Variants in ST6GALNAC5 observed in about 807,000 individuals in gnomAD.
ST6GALNAC5 encodes alpha-N-acetylgalactosaminide alpha-2,6-sialyltransferase 5.
In ST6GALNAC5, 27 loss-of-function variants were observed where a neutral mutation model predicts 33.6. The ratio of observed to expected loss-of-function variants is 0.80; its 90% confidence interval spans 0.59 to 1.11. The LOEUF is 1.11. Among genes scored for constraint, ST6GALNAC5 ranks in the 50% least tolerant of loss-of-function variants. The pLI is 0.00. For synonymous variants in ST6GALNAC5, 194 were observed against 171.2 expected (o/e 1.13, Z -1.04); for missense variants, 428 against 454.0 (o/e 0.94, Z 0.52).
intron 2 of ST6GALNAC5, among the ~76,000 whole-genome samples, chr1:76,953,304 A>C (rs1189639050): frequency 6.6e-6 from 1 of 152,162 alleles, no homozygotes; most frequent in East Asian, 1.9e-4. Context: ...ATCATGTATG[A>C]GAGATCAAGC....
intron 2 of ST6GALNAC5, among the ~76,000 whole-genome samples, chr1:76,966,200 C>T (rs889814545): frequency 2.7e-4 from 41 of 151,982 alleles, no homozygotes; most frequent in Admixed American, 2.4e-3. Flanking sequence ...GGCAATATGG[C>T]CATTTTCACC....
chr1:76,996,188 C>A (rs1161566769), intron 2 of ST6GALNAC5, among the ~76,000 whole-genome samples: 1 of 152,134 alleles, frequency 6.6e-6, no homozygotes, highest in Non-Finnish European at 1.5e-5. Flanking sequence ...GTCTTGAACC[C>A]CTGTCTTCTA....
At chr1:76,892,339 A>T (rs758343646) in intron 2 of ST6GALNAC5, among the ~76,000 whole-genome samples, 3 of 152,224 alleles carry the variant, frequency 2.0e-5, no homozygotes, top group Non-Finnish European at 4.4e-5. Context: ...ACACCTTAAG[A>T]TAGATCTTAA....
chr1:76,920,842 A>C (rs1325923552), intron 2 of ST6GALNAC5, among the ~76,000 whole-genome samples: 1 of 152,194 alleles, frequency 6.6e-6, no homozygotes, highest in African/African-American at 2.4e-5. Flanking sequence ...TAATAGAGTA[A>C]TGCCCAAGCC....
intron 2 of ST6GALNAC5, among the ~76,000 whole-genome samples, chr1:76,934,838 C>G (rs999324124): frequency 6.6e-6 from 1 of 151,974 alleles, no homozygotes; most frequent in African/African-American, 2.4e-5. Context: ...CTTTAGAAAG[C>G]CTCTGTTGGG....
At chr1:77,051,820 C>T (rs1231317150) in intron 4 of ST6GALNAC5, among the ~76,000 whole-genome samples, 2 of 152,068 alleles carry the variant, frequency 1.3e-5, no homozygotes, top group Admixed American at 6.6e-5. Context: ...ATGCAAAGAG[C>T]CATCAACGTT....
At chr1:76,931,317 G>T (rs978998136) in intron 2 of ST6GALNAC5, among the ~76,000 whole-genome samples, 26 of 152,096 alleles carry the variant, frequency 1.7e-4, no homozygotes, top group Non-Finnish European at 3.4e-4. Flanking sequence ...GACCCTATCA[G>T]AGGACTAGGT....
chr1:76,950,177 A>C (rs1275914458), intron 2 of ST6GALNAC5, among the ~76,000 whole-genome samples: 1 of 152,110 alleles, frequency 6.6e-6, no homozygotes, highest in Non-Finnish European at 1.5e-5. Context: ...GGTATGAAGG[A>C]CTGAGATGAG....
chr1:76,945,028 G>C (rs1196627619), intron 2 of ST6GALNAC5, among the ~76,000 whole-genome samples: 2 of 152,096 alleles, frequency 1.3e-5, no homozygotes, highest in Non-Finnish European at 2.9e-5. Flanking sequence ...GGTCTTCTGG[G>C]AAATCAGGAC....
At chr1:77,013,473 C>A (rs1039944926) in intron 2 of ST6GALNAC5, among the ~76,000 whole-genome samples, 7 of 152,186 alleles carry the variant, frequency 4.6e-5, no homozygotes, top group African/African-American at 1.7e-4. Context: ...TTATTATGAG[C>A]TTTCTCACCC....
At chr1:76,985,894 C>T (rs1448476047) in intron 2 of ST6GALNAC5, among the ~76,000 whole-genome samples, 1 of 152,066 alleles carries the variant, frequency 6.6e-6, no homozygotes, top group African/African-American at 2.4e-5. Context: ...CTGACAAAAA[C>T]AAGAAATGGG....
At chr1:77,020,709 T>C (rs891579587) in intron 2 of ST6GALNAC5, among the ~76,000 whole-genome samples, 1 of 152,226 alleles carries the variant, frequency 6.6e-6, no homozygotes, top group African/African-American at 2.4e-5. Flanking sequence ...CCTTATGCCA[T>C]GCCTCTTACT....
chr1:77,013,777 G>T (rs542330490), intron 2 of ST6GALNAC5, among the ~76,000 whole-genome samples: 1 of 152,312 alleles, frequency 6.6e-6, no homozygotes, highest in East Asian at 1.9e-4. Context: ...CCTGGAAGTC[G>T]GATGGCCTTT....
At chr1:76,932,782 G>C (rs769910443) in intron 2 of ST6GALNAC5, among the ~76,000 whole-genome samples, 1 of 152,010 alleles carries the variant, frequency 6.6e-6, no homozygotes, top group African/African-American at 2.4e-5. Context: ...AACTAGGCTT[G>C]TGTTGTATTT....
intron 2 of ST6GALNAC5, among the ~76,000 whole-genome samples, chr1:77,006,280 A>C (rs1241592104): frequency 6.6e-6 from 1 of 150,554 alleles, no homozygotes; most frequent in African/African-American, 2.4e-5. Context: ...TTAGCCTCCC[A>C]AGTAGCTGGG....
At chr1:77,045,313 A>T (rs139479142) in intron 3 of ST6GALNAC5, among the ~76,000 whole-genome samples, 3 of 152,362 alleles carry the variant, frequency 2.0e-5, no homozygotes, top group East Asian at 3.9e-4. Flanking sequence ...ATCAGCATTC[A>T]TCCCACATAG....
chr1:77,054,588 G>T (rs1222166169), intron 4 of ST6GALNAC5, among the ~76,000 whole-genome samples: 1 of 152,174 alleles, frequency 6.6e-6, no homozygotes, highest in Non-Finnish European at 1.5e-5. Flanking sequence ...CAAAGAGAAT[G>T]TAAGCTGTCA....
chr1:76,980,189 A>G (rs1649193663), intron 2 of ST6GALNAC5, among the ~76,000 whole-genome samples: 1 of 152,160 alleles, frequency 6.6e-6, no homozygotes, highest in Non-Finnish European at 1.5e-5. Flanking sequence ...AATAGTATGT[A>G]GTAGGTTTTG....
intron 2 of ST6GALNAC5, among the ~76,000 whole-genome samples, chr1:76,949,687 G>A (rs1647668348): frequency 6.6e-6 from 1 of 152,116 alleles, no homozygotes; most frequent in Non-Finnish European, 1.5e-5. Flanking sequence ...ATGAATTGGA[G>A]CAGAGTCACC....
Sources: allele counts gnomAD v4.1 joint callset (sites outside exome capture counted in the v4.1 genomes callset), GRCh38; gene constraint gnomAD v4.1.1; transcripts MANE v1.5; gene names NCBI Gene and HGNC (gene_info 2026-07-23, HGNC 2026-07-21).